Variants in FAM81B observed in about 807,000 individuals in gnomAD.
The protein encoded by FAM81B is protein FAM81B.
FAM81B carries 60 observed loss-of-function variants against 58.7 expected under a neutral mutation model. The observed-to-expected ratio is 1.02, with a 90% CI of 0.83 to 1.27. FAM81B has a LOEUF of 1.27. Among genes scored for constraint, FAM81B ranks in the 50% most tolerant of loss-of-function variants. FAM81B has a pLI of 0.00. For synonymous variants in FAM81B, 189 were observed against 179.6 expected, an observed-to-expected ratio of 1.05 and a Z score of -0.42; for missense variants, 491 against 522.0, an observed-to-expected ratio of 0.94 and a Z score of 0.58.
chr5:95,393,608 T>A (rs1164362760), intron 2 of FAM81B, among the ~76,000 whole-genome samples: 1 of 152,180 alleles, frequency 6.6e-6, no homozygotes, highest in Non-Finnish European at 1.5e-5. Context: ...ATCTACATGA[T>A]CTTGGGCAAG....
chr5:95,431,784 A>G (rs1350637130), intron 6 of FAM81B, among the ~76,000 whole-genome samples: 3 of 152,064 alleles, frequency 2.0e-5, no homozygotes, highest in African/African-American at 7.2e-5. Flanking sequence ...TATATTATGA[A>G]GACAATATTA....
chr5:95,426,837 A>T (rs938350332), intron 5 of FAM81B, among the ~76,000 whole-genome samples: 3 of 152,170 alleles, frequency 2.0e-5, no homozygotes, highest in Non-Finnish European at 4.4e-5. Context: ...TCACGAGGTC[A>T]GGAGCTCGAG....
intron 7 of FAM81B, among the ~76,000 whole-genome samples, chr5:95,439,062 A>G (rs1326643384): frequency 6.6e-6 from 1 of 150,866 alleles, no homozygotes; most frequent in Non-Finnish European, 1.5e-5. Context: ...TAGCTGTACA[A>G]TCTTTTAACT....
At chr5:95,417,044 T>C (rs1486366671) in intron 4 of FAM81B, among the ~76,000 whole-genome samples, 1 of 152,060 alleles carries the variant, frequency 6.6e-6, no homozygotes, top group Non-Finnish European at 1.5e-5. Flanking sequence ...TGTCTCAAAA[T>C]AAAAATAATT....
At chr5:95,428,290 G>C (rs943397879) in intron 5 of FAM81B, among the ~76,000 whole-genome samples, 3 of 152,074 alleles carry the variant, frequency 2.0e-5, no homozygotes, top group Non-Finnish European at 4.4e-5. Context: ...ATCAAAATTT[G>C]CTATAACTCC....
At chr5:95,449,281 T>C (rs1025463285) in intron 9 of FAM81B, among the ~76,000 whole-genome samples, 2 of 152,134 alleles carry the variant, frequency 1.3e-5, no homozygotes, top group Non-Finnish European at 2.9e-5. Context: ...ATAAGTAGAA[T>C]TTGCTGCCTG....
At chr5:95,400,401 C>CACATACATACAT (rs754629589) in intron 3 of FAM81B, among the ~76,000 whole-genome samples, 17 of 147,466 alleles carry the variant, frequency 1.2e-4, no homozygotes, top group Admixed American at 6.1e-4. Flanking sequence ...CAGCCACCTT[C>CACATACATACAT]ACATACATAC....
intron 3 of FAM81B, among the ~76,000 whole-genome samples, chr5:95,408,677 C>T (rs1264255282): frequency 6.6e-6 from 1 of 152,150 alleles, no homozygotes; most frequent in Non-Finnish European, 1.5e-5. Flanking sequence ...TTCTAAGCCT[C>T]AGTTTTATTA....
intron 3 of FAM81B, among the ~76,000 whole-genome samples, chr5:95,412,612 T>G (rs1055676544): frequency 3.3e-5 from 5 of 152,216 alleles, no homozygotes; most frequent in African/African-American, 9.6e-5. Flanking sequence ...CAAATTTTAT[T>G]GATGACACCT....
intron 5 of FAM81B, among the ~76,000 whole-genome samples, chr5:95,426,094 G>GTATA (rs57076025): frequency 0.081 from 9,747 of 119,838 alleles, 538 homozygotes; most frequent in African/African-American, 0.16. Context: ...ATCTCTGTGT[G>GTATA]TATATATATA....
At chr5:95,428,473 CCT>C in intron 5 of FAM81B, 128 bp from the exon 6 acceptor site, 2 of 1,141,066 alleles carry the variant, frequency 1.8e-6, no homozygotes, top group Non-Finnish European at 2.5e-6. Context: ...TGAATACACT[CCT>C]ATATCTACCA....
chr5:95,410,107 T>C (rs1181732967), intron 3 of FAM81B, among the ~76,000 whole-genome samples: 4 of 152,216 alleles, frequency 2.6e-5, no homozygotes, highest in Non-Finnish European at 5.9e-5. Context: ...AGAAAGGCTA[T>C]CTCGATTTAA....
intron 3 of FAM81B, among the ~76,000 whole-genome samples, chr5:95,407,080 A>G (rs1211878750): frequency 6.6e-6 from 1 of 152,020 alleles, no homozygotes; most frequent in Non-Finnish European, 1.5e-5. Context: ...AATATTTTCC[A>G]TGGGACCAAA....
At position 95,401,430 on chromosome 5, in the gene FAM81B, T is replaced by C. The variant is rs1217662566; in HGVS notation, c.293+5255T>C. Among the ~76,000 whole-genome samples, 4 of 152,128 alleles carry C rather than the reference T, an allele frequency of 2.6e-5. No homozygotes were observed. The East Asian group carries it at 7.7e-4, about 29-fold the overall frequency. On this transcript the variant is annotated intron_variant, in intron 3 of 9. Transcript: ENST00000283357. The stretch of plus-strand genomic sequence containing the variant: ...TTCAGCCCTACCTAAAACTCAGCAG[T>C]GGAAGTCTCTCCAGCTACAAACATC...
At chr5:95,403,903 G>C (rs1438261328) in intron 3 of FAM81B, among the ~76,000 whole-genome samples, 1 of 152,170 alleles carries the variant, frequency 6.6e-6, no homozygotes, top group Non-Finnish European at 1.5e-5. Flanking sequence ...TTGCCCCTCA[G>C]AAGGACATGG....
intron 2 of FAM81B, among the ~76,000 whole-genome samples, chr5:95,395,507 G>T (rs939344469): frequency 2.6e-5 from 4 of 151,862 alleles, no homozygotes; most frequent in African/African-American, 4.8e-5. Flanking sequence ...AGTACATTGG[G>T]TATCTTCTTT....
At chr5:95,424,571 A>G (rs1428326448) in intron 5 of FAM81B, among the ~76,000 whole-genome samples, 1 of 152,220 alleles carries the variant, frequency 6.6e-6, no homozygotes, top group African/African-American at 2.4e-5. Flanking sequence ...AGGACCAGGG[A>G]TACCAGCATA....
chr5:95,413,280 C>G (rs1232273016), intron 3 of FAM81B, among the ~76,000 whole-genome samples: 1 of 152,166 alleles, frequency 6.6e-6, no homozygotes, highest in East Asian at 1.9e-4. Context: ...TCTGGAAACA[C>G]CCTCACAAGA....
Position 95,420,416 on chromosome 5 carries a change from T to G in FAM81B, c.656+14T>G. On this transcript the variant is annotated intron_variant, in intron 5 of 9. Transcript: ENST00000283357. ...AAGAGTAGCCAGGTGAGAAGAAGCA[T>G]GTTGACTAATGTTTAACAGTGAATT... 6.2e-7 allele frequency: 1 copy of G among 1,613,140 alleles called. No homozygotes were observed. Among genetic ancestry groups the G allele is most frequent in the African/African-American group, 1.3e-5 (1 of 75,012 alleles).
Sources: allele counts gnomAD v4.1 joint callset (sites outside exome capture counted in the v4.1 genomes callset), GRCh38; gene constraint gnomAD v4.1.1; transcripts MANE v1.5; gene names NCBI Gene and HGNC (gene_info 2026-07-23, HGNC 2026-07-21).